Variants in ZC3H8 observed in about 807,000 individuals in gnomAD.
ZC3H8 encodes zinc finger CCCH-type containing 8, also known as zinc finger CCCH domain-containing protein 8.
ZC3H8 carries 27 observed loss-of-function variants against 42.5 expected under a neutral mutation model. That is an observed-to-expected ratio of 0.64 (90% CI 0.47 to 0.88). The LOEUF (loss-of-function observed/expected upper bound fraction) is 0.88, where lower values mean the gene tolerates loss of function less well. Among genes scored for constraint, ZC3H8 ranks in the 40% least tolerant of loss-of-function variants. ZC3H8 has a pLI of 0.00. For synonymous variants in ZC3H8, 101 were observed against 110.1 expected (o/e 0.92, Z 0.52); for missense variants, 277 against 336.1 (o/e 0.82, Z 1.37).
intron 2 of ZC3H8, among the ~76,000 whole-genome samples, chr2:112,241,470 C>A (rs1685584581): frequency 6.6e-6 from 1 of 152,274 alleles, no homozygotes; most frequent in African/African-American, 2.4e-5. Flanking sequence ...GGATTGAATT[C>A]AGAAAATTCA....
In ZC3H8 at chr2:112,233,255, G is replaced by A. The variant is rs1685170101; in HGVS notation, c.733+5C>T. 2 of 1,523,432 alleles carry A rather than the reference G, an allele frequency of 1.3e-6. No individual in the cohort carries two copies. Among genetic ancestry groups the A allele is most frequent in the Non-Finnish European group, 1.8e-6 (2 of 1,122,746 alleles). 94.4% of individuals were successfully genotyped at this position (1,523,432 alleles called of 1,614,324 possible). A position where few individuals can be genotyped will look rare whatever the true frequency, so the allele number is the denominator to read the frequency against. ...AAAGTCACCATATCTTGTGATAAAG[G>A]ATATTATGCAAATACAGACAGTTTT... On this transcript the variant is annotated splice_donor_5th_base_variant and intron_variant, in intron 6 of 8. Transcript: ENST00000409573.
chr2:112,242,598 G>A (rs770082322), intron 2 of ZC3H8, among the ~76,000 whole-genome samples: 7 of 152,108 alleles, frequency 4.6e-5, no homozygotes, highest in East Asian at 3.8e-4. Flanking sequence ...ATTTAAAGGC[G>A]CAGTGAATTG....
At chr2:112,216,723 T>TA (rs1406416519) in intron 8 of ZC3H8, among the ~76,000 whole-genome samples, 1 of 147,432 alleles carries the variant, frequency 6.8e-6, no homozygotes, top group South Asian at 2.1e-4. Flanking sequence ...AAGAGTTGAC[T>TA]AACCTCAGAC....
At chr2:112,243,147 T>G (rs974013347) in intron 2 of ZC3H8, among the ~76,000 whole-genome samples, 11 of 152,162 alleles carry the variant, frequency 7.2e-5, no homozygotes, top group Non-Finnish European at 1.6e-4. Flanking sequence ...CTGTTCAAAG[T>G]TAAAATAGGA....
At chr2:112,248,904 G>A (rs991361395) in intron 2 of ZC3H8, among the ~76,000 whole-genome samples, 7 of 152,178 alleles carry the variant, frequency 4.6e-5, no homozygotes, top group Admixed American at 4.6e-4. Flanking sequence ...TTATAAAAAA[G>A]GAAAATTCAG....
intron 2 of ZC3H8, among the ~76,000 whole-genome samples, chr2:112,247,160 C>T (rs1045450863): frequency 5.9e-5 from 9 of 152,310 alleles, no homozygotes; most frequent in African/African-American, 1.9e-4. Flanking sequence ...GAAACCAAAA[C>T]ATTCTTGTGC....
chr2:112,230,638 T>C, intron 8 of ZC3H8: 1 of 187,264 alleles, frequency 5.3e-6, no homozygotes, highest in Non-Finnish European at 1.1e-5. Context: ...CTAAATATAT[T>C]GTTTTGTGAA....
Position 112,236,588 on chromosome 2 carries a change from G to A in ZC3H8, c.478C>T (p.Leu160=), listed in dbSNP as rs1440094889. The A allele has an allele frequency of 1.2e-6, 2 of 1,613,898 alleles. No individual in the cohort carries two copies. The highest frequency in any genetic ancestry group is 1.7e-6 in the Non-Finnish European group (2 of 1,179,874). Residue 160 remains leucine, a synonymous_variant, in exon 4 of 9, where the codon CTG becomes TTG. Coordinates refer to ENST00000409573, the MANE Select transcript of ZC3H8 (RefSeq NM_032494.3). Reference sequence around the variant, plus strand: ...TCTTCCTGTGAGCCGCTGTTCCTCAGCAAAGCATTTGATCCTTTGTTTCCA... The same window carrying A: ...TCTTCCTGTGAGCCGCTGTTCCTCAACAAAGCATTTGATCCTTTGTTTCCA... ...GPGNKGSNAL[L]RNSGSQEEDG... is the part of the protein sequence containing the mutation.
At chr2:112,249,695 C>T (rs537002889) in intron 2 of ZC3H8, among the ~76,000 whole-genome samples, 4 of 152,306 alleles carry the variant, frequency 2.6e-5, no homozygotes, top group African/African-American at 7.2e-5. Context: ...CCATCCACCT[C>T]GGCCTCCCAA....
At chr2:112,231,495 G>A (rs996644024) in intron 7 of ZC3H8, among the ~76,000 whole-genome samples, 3 of 152,054 alleles carry the variant, frequency 2.0e-5, no homozygotes, top group East Asian at 3.8e-4. Context: ...TTATAAACCC[G>A]TAACTTGTAA....
rs562189099 is a variant in ZC3H8 at position 112,213,536 on chromosome 2, GGAGGCC to G, written c.*2942_*2947del. The stretch of plus-strand genomic sequence containing the variant: ...CCACACCTGTAATCCCAGCACTTTG[GGAGGCC>G]GAGGTGGGTGGATCACGAGGTCAGG... On this transcript the variant is annotated 3_prime_UTR_variant, in exon 9 of 9. Coordinates refer to ENST00000409573, the MANE Select transcript of ZC3H8 (RefSeq NM_032494.3). 1.2e-3 allele frequency: 185 copies of G among 151,934 alleles called. No homozygotes were observed. Among genetic ancestry groups the G allele is most frequent in the African/African-American group, 4.3e-3 (179 of 41,402 alleles). 9.4% of individuals were successfully genotyped at this position (151,934 alleles called of 1,614,324 possible).
intron 2 of ZC3H8, among the ~76,000 whole-genome samples, chr2:112,241,980 T>C (rs564302208): frequency 6.6e-6 from 1 of 152,346 alleles, no homozygotes; most frequent in South Asian, 2.1e-4. Flanking sequence ...ATTGTTACAC[T>C]GCTGGAAAAC....
chr2:112,253,674 G>T (rs1686032157), intron 1 of ZC3H8, among the ~76,000 whole-genome samples: 1 of 152,190 alleles, frequency 6.6e-6, no homozygotes, highest in Admixed American at 6.5e-5. Context: ...TGTCTTTTAT[G>T]TATTGCAGTC....
chr2:112,250,419 A>C, intron 1 of ZC3H8, 147 bp from the exon 2 acceptor site: 1 of 489,604 alleles, frequency 2.0e-6, no homozygotes, highest in Non-Finnish European at 3.5e-6. Flanking sequence ...ACTCCAGAAA[A>C]TGTACAAAAT....
chr2:112,247,659 G>A (rs753130374), intron 2 of ZC3H8, among the ~76,000 whole-genome samples: 22 of 152,204 alleles, frequency 1.4e-4, no homozygotes, highest in Non-Finnish European at 3.2e-4. Flanking sequence ...TGTGAGTGAA[G>A]AGGCTGCACT....
At chr2:112,237,846 C>T (rs1332335271) in intron 3 of ZC3H8, among the ~76,000 whole-genome samples, 1 of 152,124 alleles carries the variant, frequency 6.6e-6, no homozygotes, top group Non-Finnish European at 1.5e-5. Context: ...GGATTACAGG[C>T]GTGAGCCACC....
At position 112,233,207 on chromosome 2, in the gene ZC3H8, A is replaced by C. The variant is rs533360084; in HGVS notation, c.733+53T>G. The C allele has an allele frequency of 1.9e-5, 25 of 1,294,586 alleles. No individual in the cohort carries two copies. In the East Asian group the frequency reaches 3.3e-4, roughly 17 times the overall value. The allele number at this position is 1,294,586 out of a possible 1,614,324, so 80.2% of individuals were successfully genotyped here. Reference sequence around the variant, plus strand: ...GTTTCATTAAAAATTTTGCACATTTAAAATGTTCATGTAAATATTTATAAA... The same window carrying C: ...GTTTCATTAAAAATTTTGCACATTTCAAATGTTCATGTAAATATTTATAAA... On this transcript the variant is annotated intron_variant, in intron 6 of 8. Coordinates refer to ENST00000409573, the MANE Select transcript of ZC3H8 (RefSeq NM_032494.3).
chr2:112,252,809 A>G (rs1330805041), intron 1 of ZC3H8, among the ~76,000 whole-genome samples: 1 of 152,042 alleles, frequency 6.6e-6, no homozygotes, highest in Admixed American at 6.5e-5. Context: ...AAACTTACCA[A>G]TGTTATCAGT....
intron 8 of ZC3H8, among the ~76,000 whole-genome samples, chr2:112,230,167 C>T (rs769705466): frequency 2.6e-5 from 4 of 152,050 alleles, no homozygotes; most frequent in Non-Finnish European, 5.9e-5. Context: ...AATTAAGTTA[C>T]GAGATTCTAT....
Sources: allele counts gnomAD v4.1 joint callset (sites outside exome capture counted in the v4.1 genomes callset), GRCh38; gene constraint gnomAD v4.1.1; transcripts MANE v1.5; gene names NCBI Gene and HGNC (gene_info 2026-07-23, HGNC 2026-07-21).